TAFA5: variants seen among roughly 807,000 people sequenced by gnomAD.
TAFA5 encodes chemokine-like protein TAFA-5.
Under a neutral mutation model 15.3 loss-of-function variants are expected in TAFA5, and 6 were observed. That is an observed-to-expected ratio of 0.39 (90% CI 0.21 to 0.77). The LOEUF (loss-of-function observed/expected upper bound fraction) is 0.77, where lower values mean the gene tolerates loss of function less well. TAFA5 is among the 30% of genes least tolerant of loss of function. The pLI is 0.41. For synonymous variants in TAFA5, 103 were observed against 80.7 expected (o/e 1.28, Z -1.48); for missense variants, 161 against 193.1 (o/e 0.83, Z 0.98).
At chr22:48,696,953 C>T (rs1035117108) in intron 2 of TAFA5, among the ~76,000 whole-genome samples, 27 of 152,170 alleles carry the variant, frequency 1.8e-4, no homozygotes, top group South Asian at 4.1e-4. Context: ...TTATTGGAGC[C>T]CCAATGGTAG....
intron 1 of TAFA5, among the ~76,000 whole-genome samples, chr22:48,616,473 G>T (rs2147177998): frequency 6.6e-6 from 1 of 152,298 alleles, no homozygotes. Flanking sequence ...TCACCTGGGA[G>T]CATCTCTAAT....
chr22:48,511,022 A>T (rs1921191629), intron 1 of TAFA5, among the ~76,000 whole-genome samples: 1 of 152,228 alleles, frequency 6.6e-6, no homozygotes. Context: ...TATTGCTGTC[A>T]TCTGTTATGG....
chr22:48,523,837 C>G (rs1385644364), intron 1 of TAFA5, among the ~76,000 whole-genome samples: 1 of 152,188 alleles, frequency 6.6e-6, no homozygotes, highest in Non-Finnish European at 1.5e-5. Flanking sequence ...GCAGGGTCCT[C>G]TCTGCAGAGA....
chr22:48,546,140 G>C (rs759854145), intron 1 of TAFA5, among the ~76,000 whole-genome samples: 1 of 152,234 alleles, frequency 6.6e-6, no homozygotes, highest in Non-Finnish European at 1.5e-5. Flanking sequence ...GAGTCGGGAG[G>C]AGGAGGGCTC....
intron 1 of TAFA5, among the ~76,000 whole-genome samples, chr22:48,532,671 C>T (rs1211528464): frequency 1.3e-5 from 2 of 152,084 alleles, no homozygotes; most frequent in Non-Finnish European, 2.9e-5. Flanking sequence ...CTAATGCAGC[C>T]GCCATCTCAC....
At chr22:48,731,108 G>A (rs979985777) in intron 3 of TAFA5, among the ~76,000 whole-genome samples, 3 of 152,316 alleles carry the variant, frequency 2.0e-5, no homozygotes, top group Admixed American at 1.3e-4. Context: ...AGTTTTAATG[G>A]TCTGGAGACA....
In TAFA5 at chr22:48,502,680, C is replaced by T. The variant is rs777214961; in HGVS notation, c.112+12976C>T. Among the ~76,000 whole-genome samples the T allele has an allele frequency of 7.3e-4, 111 of 152,032 alleles. 3 individuals are homozygous for T. Among genetic ancestry groups the T allele is most frequent in the Non-Finnish European group, 4.1e-4 (28 of 68,028 alleles). On this transcript the variant is annotated intron_variant, in intron 1 of 3. Transcript: ENST00000402357. ...GAGACTACAGGCGCCCGCCACCACA[C>T]CTGGCTAATTTTTGTATTTTTAGAA...
chr22:48,611,147 C>T (rs534761947), intron 1 of TAFA5, among the ~76,000 whole-genome samples: 1 of 152,164 alleles, frequency 6.6e-6, no homozygotes, highest in African/African-American at 2.4e-5. Context: ...GTTGGCCAGG[C>T]TGGTCTTGCA....
chr22:48,746,114 G>A (rs1213994790), intron 3 of TAFA5, among the ~76,000 whole-genome samples: 5 of 152,034 alleles, frequency 3.3e-5, no homozygotes, highest in African/African-American at 9.7e-5. Context: ...CCCAGGATCC[G>A]CCTGGGCTGA....
At chr22:48,633,036 C>G (rs949255910) in intron 1 of TAFA5, among the ~76,000 whole-genome samples, 1 of 152,136 alleles carries the variant, frequency 6.6e-6, no homozygotes, top group African/African-American at 2.4e-5. Flanking sequence ...AGGAGTTTGG[C>G]GAGGATGAGT....
intron 1 of TAFA5, among the ~76,000 whole-genome samples, chr22:48,551,494 C>A (rs572519149): frequency 6.6e-6 from 1 of 152,332 alleles, no homozygotes; most frequent in East Asian, 1.9e-4. Context: ...GTGATGGCGG[C>A]TCGCTGGTTT....
intron 2 of TAFA5, among the ~76,000 whole-genome samples, chr22:48,680,386 G>C (rs569901547): frequency 3.3e-5 from 5 of 152,324 alleles, no homozygotes; most frequent in African/African-American, 1.2e-4. Context: ...CCGCCATGCA[G>C]TTGCCTGCCC....
intron 1 of TAFA5, among the ~76,000 whole-genome samples, chr22:48,579,988 A>G (rs898919775): frequency 1.3e-5 from 2 of 152,184 alleles, no homozygotes; most frequent in Non-Finnish European, 2.9e-5. Context: ...AGGGGAGTGC[A>G]TTCGACGGCT....
At chr22:48,555,208 A>G (rs1922991966) in intron 1 of TAFA5, among the ~76,000 whole-genome samples, 1 of 152,168 alleles carries the variant, frequency 6.6e-6, no homozygotes, top group South Asian at 2.1e-4. Flanking sequence ...GGATGAATGA[A>G]TGAAGGAATG....
chr22:48,580,361 C>A (rs999087189), intron 1 of TAFA5, among the ~76,000 whole-genome samples: 1 of 152,202 alleles, frequency 6.6e-6, no homozygotes, highest in Non-Finnish European at 1.5e-5. Context: ...GCAGAGTGTT[C>A]GTCTATCTGT....
intron 2 of TAFA5, among the ~76,000 whole-genome samples, chr22:48,681,674 A>G (rs1390955394): frequency 6.6e-6 from 1 of 151,878 alleles, no homozygotes; most frequent in Non-Finnish European, 1.5e-5. Flanking sequence ...AAAGAAAAGA[A>G]AAAAGAAAAA....
At chr22:48,606,299 G>A (rs905847219) in intron 1 of TAFA5, among the ~76,000 whole-genome samples, 1 of 152,204 alleles carries the variant, frequency 6.6e-6, no homozygotes, top group African/African-American at 2.4e-5. Flanking sequence ...CGAACCGTCG[G>A]AGACAGCGTG....
At chr22:48,654,103 CGTT>C (rs1927151216) in intron 2 of TAFA5, among the ~76,000 whole-genome samples, 1 of 152,116 alleles carries the variant, frequency 6.6e-6, no homozygotes, top group South Asian at 2.1e-4. Flanking sequence ...TGTCCCGTCA[CGTT>C]GGCGCCGCGG....
chr22:48,688,307 C>G (rs1364745790), intron 2 of TAFA5, among the ~76,000 whole-genome samples: 1 of 152,222 alleles, frequency 6.6e-6, no homozygotes, highest in Non-Finnish European at 1.5e-5. Context: ...ATTATCAAGA[C>G]TGTTCCCACT....
Sources: gnomAD v4.1 joint callset for allele counts (sites outside exome capture counted in the v4.1 genomes callset) on GRCh38, gnomAD v4.1.1 for gene constraint, MANE v1.5 for transcripts, NCBI Gene and HGNC (gene_info 2026-07-23, HGNC 2026-07-21) for gene names.